The following ARID1B variants were observed in gnomAD, a reference collection of about 807,000 sequenced individuals.
The protein encoded by ARID1B is AT-rich interactive domain-containing protein 1B.
ARID1B carries 30 observed loss-of-function variants against 212.3 expected under a neutral mutation model. The ratio of observed to expected loss-of-function variants is 0.14; its 90% CI spans 0.11 to 0.19. The LOEUF (loss-of-function observed/expected upper bound fraction) is 0.19. Ranked by LOEUF, ARID1B falls within the 10% of genes least tolerant of loss-of-function variation. The pLI is 1.00. For missense variants in ARID1B, 2,891 were observed against 3,204.0 expected (o/e 0.90, Z 2.36); for synonymous variants, 1,402 against 1,301.7 (o/e 1.08, Z -1.66).
At chr6:157,024,617 CA>C (rs1780539924) in intron 4 of ARID1B, 1 of 152,378 alleles carries the variant, frequency 6.6e-6, no homozygotes, top group Non-Finnish European at 1.5e-5. Flanking sequence ...CAAAACAAAA[CA>C]AAAAACAGCC....
intron 6 of ARID1B, 79 bp downstream of exon 6, chr6:157,110,640 C>A: frequency 7.8e-7 from 1 of 1,278,790 alleles, no homozygotes; most frequent in Non-Finnish European, 1.1e-6. Flanking sequence ...TACCTATGCA[C>A]CTCCTTATCA....
rs761922288 is a variant in ARID1B at position 157,184,211 on chromosome 6, C to T, written c.3715-20C>T. 3 of 1,588,324 alleles carry T rather than the reference C, an allele frequency of 1.9e-6. No homozygotes were observed. The highest frequency in any genetic ancestry group is 1.7e-6 in the Non-Finnish European group (2 of 1,164,502). On this transcript the variant is annotated intron_variant, in intron 12 of 19. Coordinates refer to ENST00000636930, the MANE Select transcript of ARID1B (RefSeq NM_001374828.1). Reference sequence around the variant, plus strand: ...AGCCACTTTGTTGCAAACCAATGATCCTGCCGTGTTTTTCACTAGGTTAAT... The same window carrying T: ...AGCCACTTTGTTGCAAACCAATGATTCTGCCGTGTTTTTCACTAGGTTAAT...
chr6:156,916,684 C>T (rs886984597), intron 3 of ARID1B, among the ~76,000 whole-genome samples: 6 of 152,078 alleles, frequency 3.9e-5, no homozygotes, highest in South Asian at 2.1e-4. Context: ...GTCTGCTTCC[C>T]GGTCCCCTCT....
chr6:156,898,101 C>T (rs886577231), intron 2 of ARID1B, among the ~76,000 whole-genome samples: 2 of 152,126 alleles, frequency 1.3e-5, no homozygotes, highest in African/African-American at 4.8e-5. Context: ...TAGGGTTAGA[C>T]TGGGGAGGGA....
At chr6:156,868,382 C>T (rs998688789) in intron 2 of ARID1B, among the ~76,000 whole-genome samples, 1 of 152,148 alleles carries the variant, frequency 6.6e-6, no homozygotes, top group Non-Finnish European at 1.5e-5. Context: ...GACAGAAATG[C>T]TGAAAGGGTT....
chr6:156,923,673 G>A (rs1026703852), intron 3 of ARID1B, among the ~76,000 whole-genome samples: 2 of 151,866 alleles, frequency 1.3e-5, no homozygotes, highest in African/African-American at 4.8e-5. Flanking sequence ...CAGCATCATG[G>A]CCACTGGATA....
chr6:156,806,181 G>C (rs968837368), intron 1 of ARID1B, among the ~76,000 whole-genome samples: 28 of 152,134 alleles, frequency 1.8e-4, no homozygotes, highest in African/African-American at 6.8e-4. Flanking sequence ...TTGCTGGAAG[G>C]GTGCGTTGCC....
intron 4 of ARID1B, among the ~76,000 whole-genome samples, chr6:157,039,818 TTCTC>T (rs1196395373): frequency 2.3e-5 from 3 of 132,262 alleles, no homozygotes; most frequent in Non-Finnish European, 3.2e-5. Flanking sequence ...TTCTTTCTTT[TTCTC>T]TCTTTCTCTC....
At chr6:157,022,105 G>A (rs1780339072) in intron 4 of ARID1B, among the ~76,000 whole-genome samples, 1 of 152,164 alleles carries the variant, frequency 6.6e-6, no homozygotes, top group East Asian at 1.9e-4. Context: ...ACGCCAGCAG[G>A]GCCGCGGAGC....
At chr6:156,964,942 T>C (rs1794641239) in intron 4 of ARID1B, among the ~76,000 whole-genome samples, 1 of 152,202 alleles carries the variant, frequency 6.6e-6, no homozygotes, top group South Asian at 2.1e-4. Flanking sequence ...CATAAGAATG[T>C]GTTAATCTCA....
chr6:156,789,988 T>A (rs1166765864), intron 1 of ARID1B, among the ~76,000 whole-genome samples: 2 of 152,258 alleles, frequency 1.3e-5, no homozygotes, highest in Non-Finnish European at 2.9e-5. Context: ...TTAGTTAATT[T>A]AACAAGTTAC....
intron 4 of ARID1B, among the ~76,000 whole-genome samples, chr6:157,083,286 A>G (rs757429142): frequency 6.6e-6 from 1 of 152,232 alleles, no homozygotes; most frequent in Non-Finnish European, 1.5e-5. Context: ...TTCTGACTCC[A>G]TTCTATAGTA....
chr6:156,948,997 C>T (rs2128301426), intron 4 of ARID1B, among the ~76,000 whole-genome samples: 2 of 152,328 alleles, frequency 1.3e-5, no homozygotes, highest in Middle Eastern at 6.8e-3. Context: ...GGCTATGACA[C>T]AACTGTGGTC....
At chr6:157,114,249 C>T (rs188822272) in intron 6 of ARID1B, among the ~76,000 whole-genome samples, 1 of 152,094 alleles carries the variant, frequency 6.6e-6, no homozygotes, top group African/African-American at 2.4e-5. Context: ...TCAGACTGGG[C>T]ACGGTGGCTC....
intron 4 of ARID1B, among the ~76,000 whole-genome samples, chr6:157,004,177 G>A (rs1453736649): frequency 6.6e-6 from 1 of 152,114 alleles, no homozygotes; most frequent in Non-Finnish European, 1.5e-5. Flanking sequence ...TAGGATTACA[G>A]GTGTGAGCCT....
chr6:156,897,218 G>GCTTCTTCTTCTTCTT lies in ARID1B; in HGVS notation c.1987-4124_1987-4110dup, dbSNP rs796265973. ...TGCTGCTGCTGCTGCTGCTGCTGCTGCTTCTTCTTCTTCTTCTTCTTCTTC... is the reference window on the plus strand; with the variant it reads ...TGCTGCTGCTGCTGCTGCTGCTGCTGCTTCTTCTTCTTCTTCTTCTTCTTCTTCTTCTTCTTCTTC... On this transcript the variant is annotated intron_variant, in intron 2 of 19. Transcript: ENST00000636930. 3.9e-3 allele frequency among the ~76,000 whole-genome samples: 353 copies of GCTTCTTCTTCTTCTT among 91,262 alleles called. 5 individuals carry two copies. Among genetic ancestry groups the GCTTCTTCTTCTTCTT allele is most frequent in the East Asian group, 0.02 (55 of 2,720 alleles). The allele number at this position is 91,262 out of a possible 152,430, so 59.9% of individuals were successfully genotyped here.
intron 8 of ARID1B, among the ~76,000 whole-genome samples, chr6:157,157,764 C>T (rs748145777): frequency 3.3e-5 from 5 of 152,154 alleles, no homozygotes; most frequent in South Asian, 2.1e-4. Flanking sequence ...GGCTCACGCC[C>T]GTAATCCCAG....
At position 156,980,607 on chromosome 6, in the gene ARID1B, G is replaced by A. The variant is rs371188363; in HGVS notation, c.2247+45031G>A. ...AGTGCTTTTCCCGTAGGAGGAGTCCGGTTTAGTGGCAGGGCTACTCGTAGA... is the reference window on the plus strand; with the variant it reads ...AGTGCTTTTCCCGTAGGAGGAGTCCAGTTTAGTGGCAGGGCTACTCGTAGA... On this transcript the variant is annotated intron_variant, in intron 4 of 19. Transcript: ENST00000636930. 2.7e-4 allele frequency among the ~76,000 whole-genome samples: 41 copies of A among 152,352 alleles called. 1 individual carries two copies. In the South Asian group the frequency reaches 6.4e-3, roughly 24 times the overall value.
At position 156,778,057 on chromosome 6, in the gene ARID1B, C is replaced by G. The variant is rs2114960706; in HGVS notation, c.377C>G (p.Ala126Gly). ...TCCTCCTCCTCCTCCTCCTCCGCGG[C>G]GGCAGCGGCGGCATCCTCTTCCTCC... ...ALSSSSSSSA[A>G]AAAASSSSSS... Residue 126 changes from alanine (A) to glycine (G), a missense_variant, in exon 1 of 20, where the codon GCG (alanine) becomes GGG (glycine). Physicochemically the swap from Ala to Gly is moderately conservative, Grantham distance 60 (BLOSUM62 0). This residue lies in a region of ARID1B where 1,643 missense variants were observed against 1,544.0 expected (regional missense o/e 1.06). Transcript: ENST00000636930. 6.5e-7 allele frequency: 1 copy of G among 1,534,532 alleles called. No homozygotes were observed. The highest frequency in any genetic ancestry group is 8.7e-7 in the Non-Finnish European group (1 of 1,145,726).
Sources: gnomAD v4.1 joint callset for allele counts (sites outside exome capture counted in the v4.1 genomes callset) on GRCh38, gnomAD v4.1.1 for gene constraint, gnomAD v4.1.1 regional missense constraint, MANE v1.5 for transcripts, NCBI Gene and HGNC (gene_info 2026-07-23, HGNC 2026-07-21) for gene names.